USP53: variants seen among roughly 807,000 people sequenced by gnomAD.
USP53 encodes the protein ubiquitin specific peptidase 53, also known as ubiquitin carboxyl-terminal hydrolase 53.
In USP53, 71 loss-of-function variants were observed where a neutral mutation model predicts 94.9. That is an observed-to-expected ratio of 0.75 (90% CI 0.62 to 0.91). The LOEUF is 0.91. Among genes scored for constraint, USP53 ranks in the 40% least tolerant of loss-of-function variants. The pLI is 0.00. For missense variants in USP53, 1,173 were observed against 1,281.0 expected (o/e 0.92, Z 1.29); for synonymous variants, 375 against 422.7 (o/e 0.89, Z 1.39).
chr4:119,217,798 G>A (rs1337564207), intron 3 of USP53, 125 bp downstream of exon 3: 1 of 152,124 alleles, frequency 6.6e-6, no homozygotes, highest in Non-Finnish European at 1.5e-5. Context: ...AAGCCATGTG[G>A]GCGTTATGGG....
chr4:119,240,941 A>G (rs1202280221), intron 5 of USP53, among the ~76,000 whole-genome samples: 1 of 152,216 alleles, frequency 6.6e-6, no homozygotes, highest in South Asian at 2.1e-4. Flanking sequence ...ATGCAGAAAA[A>G]TATTTATTCA....
chr4:119,283,466 GAA>G (rs1241319953), intron 17 of USP53, among the ~76,000 whole-genome samples: 9 of 151,924 alleles, frequency 5.9e-5, no homozygotes, highest in Admixed American at 3.3e-4. Flanking sequence ...TTGCATTTTG[GAA>G]AAGACTGTGG....
rs375802932 is a variant in USP53 at position 119,260,663 on chromosome 4, C to G, written c.822+10C>G. 3.0e-5 allele frequency: 48 copies of G among 1,610,988 alleles called. No homozygotes were observed. Among genetic ancestry groups the G allele is most frequent in the Non-Finnish European group, 3.9e-5 (46 of 1,178,738 alleles). On this transcript the variant is annotated intron_variant, in intron 11 of 18. Transcript: ENST00000692078. ...TCTTTATCTTCCTGGGGTATCTTAT[C>G]TATTTTCATTCCCTTCCCTTTTATT...
chr4:119,279,692 C>T (rs1418606116), intron 17 of USP53, among the ~76,000 whole-genome samples: 1 of 152,106 alleles, frequency 6.6e-6, no homozygotes, highest in Non-Finnish European at 1.5e-5. Context: ...GGGCGCCCCT[C>T]CCCCAGCCTC....
intron 10 of USP53, among the ~76,000 whole-genome samples, chr4:119,260,190 G>A (rs928864972): frequency 6.6e-6 from 1 of 152,016 alleles, no homozygotes; most frequent in Non-Finnish European, 1.5e-5. Flanking sequence ...TTTCTTTTCA[G>A]TAAACTTGAT....
chr4:119,220,980 A>T (rs1744429172), intron 3 of USP53: 1 of 152,220 alleles, frequency 6.6e-6, no homozygotes, highest in African/African-American at 2.4e-5. Flanking sequence ...GGGTGATCAG[A>T]CATCACCTGG....
At chr4:119,236,420 T>C (rs573318510) in intron 4 of USP53, among the ~76,000 whole-genome samples, 92 of 152,330 alleles carry the variant, frequency 6.0e-4, no homozygotes, top group African/African-American at 2.2e-3. Flanking sequence ...GCTATTAAAA[T>C]AAGGCAACAA....
At chr4:119,214,545 T>A (rs1461200939) in intron 2 of USP53, among the ~76,000 whole-genome samples, 1 of 151,370 alleles carries the variant, frequency 6.6e-6, no homozygotes, top group Non-Finnish European at 1.5e-5. Flanking sequence ...AAACAATGCA[T>A]AAGATAGTTT....
At chr4:119,251,147 A>G (rs978324458) in intron 7 of USP53, among the ~76,000 whole-genome samples, 5 of 150,970 alleles carry the variant, frequency 3.3e-5, no homozygotes, top group African/African-American at 1.2e-4. Context: ...GAGTGAGAAC[A>G]TGTGGTGTTT....
chr4:119,232,945 T>C (rs1482963635), intron 3 of USP53, among the ~76,000 whole-genome samples: 2 of 152,156 alleles, frequency 1.3e-5, no homozygotes, highest in Non-Finnish European at 2.9e-5. Context: ...CTAATCCAGA[T>C]GCCATTTAAA....
chr4:119,254,166 C>G (rs1307027637), intron 7 of USP53, among the ~76,000 whole-genome samples: 1 of 152,116 alleles, frequency 6.6e-6, no homozygotes, highest in Non-Finnish European at 1.5e-5. Flanking sequence ...TCCTGCATTT[C>G]AATCTTGGTG....
At chr4:119,253,770 G>T (rs1480784521) in intron 7 of USP53, among the ~76,000 whole-genome samples, 2 of 152,080 alleles carry the variant, frequency 1.3e-5, no homozygotes, top group African/African-American at 4.8e-5. Flanking sequence ...TATGATGTTA[G>T]CTGGTTAATT....
intron 16 of USP53, chr4:119,273,407 C>T (rs890322019): frequency 1.0e-5 from 4 of 385,772 alleles, no homozygotes; most frequent in Non-Finnish European, 1.9e-5. Flanking sequence ...ACTTTATAAC[C>T]AGATAGACTT....
At chr4:119,291,143 T>TGG in intron 17 of USP53, 22 bp from the exon 18 acceptor site, 68 of 747,308 alleles carry the variant, frequency 9.1e-5, no homozygotes, top group Non-Finnish European at 1.1e-4. Flanking sequence ...TCATCTCTTC[T>TGG]CCCCACCCCA....
intron 17 of USP53, among the ~76,000 whole-genome samples, chr4:119,290,502 C>A (rs1754631544): frequency 6.6e-6 from 1 of 152,130 alleles, no homozygotes; most frequent in Non-Finnish European, 1.5e-5. Flanking sequence ...ACTGTTTTCT[C>A]ATCTGTAACA....
chr4:119,232,436 A>G (rs948234581), intron 3 of USP53, among the ~76,000 whole-genome samples: 9 of 152,148 alleles, frequency 5.9e-5, no homozygotes, highest in African/African-American at 2.2e-4. Flanking sequence ...TAGTTTTTTA[A>G]ATGTTCATTC....
At chr4:119,250,574 C>T (rs1748841480) in intron 7 of USP53, among the ~76,000 whole-genome samples, 1 of 152,074 alleles carries the variant, frequency 6.6e-6, no homozygotes. Context: ...CAATGCTAAA[C>T]TTTATAGTTT....
intron 12 of USP53, among the ~76,000 whole-genome samples, chr4:119,266,656 T>C (rs1751164036): frequency 6.6e-6 from 1 of 152,204 alleles, no homozygotes; most frequent in African/African-American, 2.4e-5. Context: ...TTCTTATTAA[T>C]GTGTTGTAGG....
chr4:119,242,723 ACTATTC>A (rs1747705500), intron 5 of USP53, among the ~76,000 whole-genome samples: 1 of 152,204 alleles, frequency 6.6e-6, no homozygotes, highest in Non-Finnish European at 1.5e-5. Flanking sequence ...TGACAAAACA[ACTATTC>A]AAATAGATTT....
Sources: allele counts gnomAD v4.1 joint callset (sites outside exome capture counted in the v4.1 genomes callset), GRCh38; gene constraint gnomAD v4.1.1; transcripts MANE v1.5; gene names NCBI Gene and HGNC (gene_info 2026-07-23, HGNC 2026-07-21).